The following OCA2 variants were observed in gnomAD, a reference collection of about 807,000 sequenced individuals.
OCA2 encodes the protein P protein.
Under a neutral mutation model 100.2 loss-of-function variants are expected in OCA2, and 77 were observed. The ratio of observed to expected loss-of-function variants is 0.77; its 90% CI spans 0.64 to 0.93. The LOEUF is 0.93. Ranked by LOEUF, OCA2 falls within the 40% of genes least tolerant of loss-of-function variation. OCA2 has a pLI of 0.00. For synonymous variants in OCA2, 432 were observed against 439.2 expected (o/e 0.98, Z 0.21); for missense variants, 1,062 against 1,089.1 (o/e 0.98, Z 0.35).
chr15:27,744,998 C>T, the OCA2 span, among the ~76,000 whole-genome samples: 1,897 of 152,232 alleles, frequency 0.012, 44 homozygotes, highest in African/African-American at 0.044. Flanking sequence ...TGACAGATAG[C>T]GGGCCCTGAA....
the OCA2 span, among the ~76,000 whole-genome samples, chr15:27,727,969 G>A: frequency 1.3e-5 from 2 of 152,322 alleles, no homozygotes; most frequent in South Asian, 2.1e-4. Flanking sequence ...TGGGGATGAA[G>A]CTATGCCAGC....
At chr15:27,850,271 G>A (rs1426337795) in intron 22 of OCA2, among the ~76,000 whole-genome samples, 2 of 152,138 alleles carry the variant, frequency 1.3e-5, no homozygotes, top group Non-Finnish European at 2.9e-5. Context: ...ACCGTTACAG[G>A]ACGTGTCAGT....
chr15:27,761,645 G>C (rs1321249128), intron 23 of OCA2, among the ~76,000 whole-genome samples: 1 of 152,134 alleles, frequency 6.6e-6, no homozygotes, highest in African/African-American at 2.4e-5. Flanking sequence ...AAAGGCACAG[G>C]CTCTAGAATA....
chr15:28,003,350 A>G (rs1456655232), intron 9 of OCA2, among the ~76,000 whole-genome samples: 3 of 152,188 alleles, frequency 2.0e-5, no homozygotes, highest in Non-Finnish European at 4.4e-5. Flanking sequence ...GCGTGACTGT[A>G]TCCCTAAATA....
the OCA2 span, among the ~76,000 whole-genome samples, chr15:27,740,198 A>G: frequency 6.6e-6 from 1 of 152,162 alleles, no homozygotes; most frequent in East Asian, 1.9e-4. Flanking sequence ...GTTTAGAATA[A>G]AAGGCCAATA....
intron 21 of OCA2, among the ~76,000 whole-genome samples, chr15:27,855,971 T>A (rs1186213344): frequency 6.6e-6 from 1 of 151,846 alleles, no homozygotes; most frequent in Non-Finnish European, 1.5e-5. Context: ...AGGACTTCAT[T>A]GCCGCACGGC....
chr15:28,074,663 G>GACTCC (rs1396559019), intron 2 of OCA2, among the ~76,000 whole-genome samples: 1 of 132,416 alleles, frequency 7.6e-6, no homozygotes, highest in Non-Finnish European at 1.5e-5. Context: ...AACAGAGCGA[G>GACTCC]ACTCCGTCTC....
chr15:27,830,469 A>T (rs1360757846), intron 23 of OCA2, among the ~76,000 whole-genome samples: 5 of 152,286 alleles, frequency 3.3e-5, no homozygotes, highest in Non-Finnish European at 7.3e-5. Flanking sequence ...GAAAAGGAGT[A>T]CAAATATTAT....
At chr15:27,937,063 T>C (rs1193049360) in intron 18 of OCA2, among the ~76,000 whole-genome samples, 1 of 152,286 alleles carries the variant, frequency 6.6e-6, no homozygotes, top group African/African-American at 2.4e-5. Context: ...AGAGGCTGAA[T>C]TGTGCAGACC....
chr15:28,025,989 A>C (rs145890778), intron 4 of OCA2, among the ~76,000 whole-genome samples: 69 of 152,380 alleles, frequency 4.5e-4, no homozygotes, highest in African/African-American at 1.6e-3. Context: ...TTACGATTCA[A>C]CAGCTCCTAC....
intron 18 of OCA2, among the ~76,000 whole-genome samples, chr15:27,932,489 G>T (rs942832280): frequency 6.6e-6 from 1 of 152,106 alleles, no homozygotes; most frequent in African/African-American, 2.4e-5. Flanking sequence ...AGAGCTAGGG[G>T]GCGGTGGGGG....
the OCA2 span, among the ~76,000 whole-genome samples, chr15:27,737,420 G>GA: frequency 6.6e-6 from 1 of 152,220 alleles, no homozygotes. Flanking sequence ...TAAAACTGCA[G>GA]TTATTAAAAC....
intron 5 of OCA2, among the ~76,000 whole-genome samples, chr15:28,023,388 G>A (rs1476105725): frequency 1.3e-5 from 2 of 152,120 alleles, no homozygotes; most frequent in Non-Finnish European, 2.9e-5. Flanking sequence ...CACTGACTTC[G>A]TACACCACCC....
chr15:27,885,046 A>G (rs77117472), intron 19 of OCA2, among the ~76,000 whole-genome samples: 2,372 of 152,284 alleles, frequency 0.016, 56 homozygotes, highest in African/African-American at 0.05. Context: ...GTCATTTCTC[A>G]GATCTTAACA....
At chr15:28,067,752 T>G (rs183518711) in intron 2 of OCA2, among the ~76,000 whole-genome samples, 1 of 152,222 alleles carries the variant, frequency 6.6e-6, no homozygotes, top group Non-Finnish European at 1.5e-5. Context: ...GCTTTATGAC[T>G]GAGAATGTGG....
At chr15:27,932,469 G>A (rs911499383) in intron 18 of OCA2, among the ~76,000 whole-genome samples, 11 of 152,062 alleles carry the variant, frequency 7.2e-5, no homozygotes, top group Admixed American at 2.6e-4. Flanking sequence ...AACATGGGGC[G>A]GGGCAGGGCA....
intron 1 of OCA2, among the ~76,000 whole-genome samples, chr15:28,083,386 T>C (rs537487652): frequency 3.5e-4 from 54 of 152,362 alleles, no homozygotes; most frequent in African/African-American, 1.3e-3. Context: ...ATTTCCCTGC[T>C]TTAACCAACC....
In OCA2 at chr15:27,871,356, C is replaced by A. The variant is rs1178102495; in HGVS notation, c.2140-98G>T. On this transcript the variant is annotated intron_variant, in intron 20 of 23. Transcript: ENST00000354638. ...TCAGAGGGGCCCGAGGGTGTTAGTC[C>A]TTCCTCTTACCCATCACGAGACCAA... 11 of 846,000 alleles carry A rather than the reference C, an allele frequency of 1.3e-5. No homozygotes were observed. In the East Asian group the frequency reaches 2.6e-4, roughly 20 times the overall value. The allele number at this position is 846,000 out of a possible 1,614,324, so 52.4% of individuals were successfully genotyped here. A position where few individuals can be genotyped will look rare whatever the true frequency, so the allele number is the denominator to read the frequency against.
At chr15:28,076,250 T>G (rs1043533861) in intron 2 of OCA2, among the ~76,000 whole-genome samples, 4 of 152,204 alleles carry the variant, frequency 2.6e-5, no homozygotes, top group African/African-American at 9.7e-5. Flanking sequence ...CCTCCAAATT[T>G]TCAGCAATAT....
Sources: gnomAD v4.1 joint callset for allele counts (sites outside exome capture counted in the v4.1 genomes callset) on GRCh38, gnomAD v4.1.1 for gene constraint, MANE v1.5 for transcripts, NCBI Gene and HGNC (gene_info 2026-07-23, HGNC 2026-07-21) for gene names.